Variants in CACNG2 observed in about 807,000 individuals in gnomAD.
CACNG2 encodes voltage-dependent calcium channel gamma-2 subunit.
A neutral mutation model predicts 25.9 loss-of-function variants in CACNG2; 3 were observed. The observed-to-expected ratio is 0.12, with a 90% confidence interval of 0.05 to 0.30. The LOEUF is 0.30. Ranked by LOEUF, CACNG2 falls within the 10% of genes least tolerant of loss-of-function variation. The probability of loss-of-function intolerance (pLI) is 1.00; values close to 1 mark genes in which losing one functional copy is unlikely to be tolerated. For synonymous variants in CACNG2, 167 were observed against 173.3 expected (o/e 0.96, Z 0.29); for missense variants, 341 against 432.5 (o/e 0.79, Z 1.88).
intron 2 of CACNG2, among the ~76,000 whole-genome samples, chr22:36,571,936 A>G (rs1935236763): frequency 6.6e-6 from 1 of 152,056 alleles, no homozygotes; most frequent in African/African-American, 2.4e-5. Context: ...TGTGTCTCAC[A>G]CTAGAAGTTG....
At chr22:36,619,510 C>G (rs759702622) in intron 1 of CACNG2, among the ~76,000 whole-genome samples, 4 of 152,174 alleles carry the variant, frequency 2.6e-5, no homozygotes, top group Non-Finnish European at 5.9e-5. Flanking sequence ...CCAATATGTA[C>G]CAAGTGTTGA....
intron 1 of CACNG2, among the ~76,000 whole-genome samples, chr22:36,678,955 C>T (rs541117600): frequency 6.6e-6 from 1 of 152,324 alleles, no homozygotes; most frequent in East Asian, 1.9e-4. Flanking sequence ...AGCCCTCTGA[C>T]ACAGCCAATG....
At chr22:36,594,376 A>T (rs1935640733) in intron 1 of CACNG2, among the ~76,000 whole-genome samples, 1 of 152,250 alleles carries the variant, frequency 6.6e-6, no homozygotes, top group South Asian at 2.1e-4. Context: ...TTCAGCTATC[A>T]TTTATGTAGC....
At chr22:36,626,361 C>T (rs1379182147) in intron 1 of CACNG2, among the ~76,000 whole-genome samples, 2 of 152,248 alleles carry the variant, frequency 1.3e-5, no homozygotes, top group African/African-American at 4.8e-5. Flanking sequence ...AGCATAACAG[C>T]ATTGACCTAC....
intron 1 of CACNG2, among the ~76,000 whole-genome samples, chr22:36,681,338 T>G (rs931216352): frequency 5.3e-5 from 8 of 152,314 alleles, no homozygotes; most frequent in African/African-American, 1.9e-4. Flanking sequence ...GAAGAGCAAC[T>G]ACATGATTTT....
chr22:36,573,520 C>CG (rs1191984109), intron 2 of CACNG2, among the ~76,000 whole-genome samples: 7 of 152,074 alleles, frequency 4.6e-5, no homozygotes, highest in African/African-American at 1.4e-4. Flanking sequence ...TTAGTAGAGA[C>CG]GGGGTTTCAC....
chr22:36,566,292 C>G (rs1028502789), intron 3 of CACNG2, 61 bp downstream of exon 3: 4 of 1,552,690 alleles, frequency 2.6e-6, no homozygotes, highest in Non-Finnish European at 3.6e-6. Flanking sequence ...GCCCTCGTGG[C>G]CCCTGAGCAC....
At chr22:36,670,072 C>T (rs1936927222) in intron 1 of CACNG2, among the ~76,000 whole-genome samples, 1 of 152,172 alleles carries the variant, frequency 6.6e-6, no homozygotes, top group South Asian at 2.1e-4. Context: ...CTCTGTGCCT[C>T]AGCCCTGATC....
chr22:36,564,542 T>C lies in CACNG2; in HGVS notation c.781A>G (p.Asn261Asp). 1 of 1,614,100 alleles carries C rather than the reference T, an allele frequency of 6.2e-7. No individual in the cohort carries two copies. Among genetic ancestry groups the C allele is most frequent in the Non-Finnish European group, 8.5e-7 (1 of 1,179,980 alleles). The change falls in exon 4 of 4, where the codon AAC becomes GAC. Residue 261 changes from asparagine (N) to aspartate (D), a missense_variant. Asn to Asp is a conservative substitution (Grantham distance 23). Coordinates refer to ENST00000300105, the MANE Select transcript of CACNG2 (RefSeq NM_006078.5). This position sits in a 1 kb window ranked among gnomAD's most constrained non-coding sequence, Gnocchi z 6.7. ...GAGATCTCCGTGGACGGCAGGGTGT[T>C]GAAGCCCTTGATGCCCACGGGGGAG... The part of the protein sequence containing the change: ...DASPVGIKGF[N>D]TLPSTEISMY...
intron 1 of CACNG2, among the ~76,000 whole-genome samples, chr22:36,665,970 G>A (rs985227348): frequency 4.6e-5 from 7 of 152,214 alleles, no homozygotes; most frequent in Non-Finnish European, 8.8e-5. Context: ...AGCAACCCGT[G>A]TCTGTCGACG....
chr22:36,691,248 T>TA (rs2146014497), intron 1 of CACNG2, among the ~76,000 whole-genome samples: 1 of 152,222 alleles, frequency 6.6e-6, no homozygotes, highest in Admixed American at 6.5e-5. Context: ...GGTGACAACT[T>TA]CACTAAGTCC....
chr22:36,701,438 G>A (rs983329412), intron 1 of CACNG2, among the ~76,000 whole-genome samples: 2 of 151,954 alleles, frequency 1.3e-5, no homozygotes, highest in East Asian at 1.9e-4. Flanking sequence ...ACACCGTGGC[G>A]GCTCCTGTGC....
chr22:36,651,847 A>C (rs888843533), intron 1 of CACNG2, among the ~76,000 whole-genome samples: 3 of 152,126 alleles, frequency 2.0e-5, no homozygotes, highest in Non-Finnish European at 4.4e-5. Flanking sequence ...GGACCTCTGC[A>C]TTCAAGTTTC....
intron 1 of CACNG2, among the ~76,000 whole-genome samples, chr22:36,655,660 CTTTT>C (rs147031438): frequency 0.048 from 7,311 of 151,896 alleles, 611 homozygotes; most frequent in African/African-American, 0.17. Context: ...GACTTTCTTT[CTTTT>C]CTTTCTTTCT....
chr22:36,599,480 G>A lies in CACNG2; in HGVS notation c.212-11932C>T, dbSNP rs542751686. Among the ~76,000 whole-genome samples, 7 of 152,210 alleles carry A rather than the reference G, an allele frequency of 4.6e-5. No homozygotes were observed. The South Asian group carries it at 1.0e-3, about 23-fold the overall frequency. On this transcript the variant is annotated intron_variant, in intron 1 of 3. Coordinates refer to ENST00000300105, the MANE Select transcript of CACNG2 (RefSeq NM_006078.5). ...TTTGGGAGGTGGAGGTGGGAGGATC[G>A]CATGAGCCCAGGAGTTCCAACCCAG...
rs764183469 is a variant in CACNG2 at position 36,563,237 on chromosome 22, C to A, written c.*1114G>T. Among the ~76,000 whole-genome samples, 1 of 152,060 alleles carries A rather than the reference C, an allele frequency of 6.6e-6. No individual in the cohort carries two copies. The highest frequency in any genetic ancestry group is 1.5e-5 in the Non-Finnish European group (1 of 68,004). On this transcript the variant is annotated 3_prime_UTR_variant, in exon 4 of 4. Coordinates refer to ENST00000300105, the MANE Select transcript of CACNG2 (RefSeq NM_006078.5). Reference sequence around the variant, plus strand: ...GGGGGCATCAGTGAGTCCAAGGACCCCCAAAGGGTCAATGAACCCCCTTCC... The same window carrying A: ...GGGGGCATCAGTGAGTCCAAGGACCACCAAAGGGTCAATGAACCCCCTTCC...
At chr22:36,608,606 G>A (rs1404725323) in intron 1 of CACNG2, among the ~76,000 whole-genome samples, 1 of 152,170 alleles carries the variant, frequency 6.6e-6, no homozygotes, top group Non-Finnish European at 1.5e-5. Context: ...GGTTCATAGA[G>A]GTGATAAATG....
At chr22:36,659,792 CAGATGGAACA>C (rs902369983) in intron 1 of CACNG2, among the ~76,000 whole-genome samples, 10 of 152,104 alleles carry the variant, frequency 6.6e-5, no homozygotes, top group African/African-American at 2.2e-4. Context: ...ATTTAGCAGC[CAGATGGAACA>C]CCTTGAATAT....
chr22:36,630,096 G>A (rs1181947370), intron 1 of CACNG2, among the ~76,000 whole-genome samples: 5 of 152,160 alleles, frequency 3.3e-5, no homozygotes, highest in African/African-American at 7.2e-5. Context: ...AAGGCAGTGC[G>A]GGAGGGAGAC....
Sources: allele counts gnomAD v4.1 joint callset (sites outside exome capture counted in the v4.1 genomes callset), GRCh38; gene constraint gnomAD v4.1.1; non-coding constraint Gnocchi (gnomAD v3.1); transcripts MANE v1.5; gene names NCBI Gene and HGNC (gene_info 2026-07-23, HGNC 2026-07-21).